The following PIK3R6 variants were observed in gnomAD, a reference collection of about 807,000 sequenced individuals.
The protein encoded by PIK3R6 is phosphoinositide-3-kinase regulatory subunit 6, also known as phosphoinositide 3-kinase regulatory subunit 6.
A neutral mutation model predicts 84.9 loss-of-function variants in PIK3R6; 91 were observed. The ratio of observed to expected loss-of-function variants is 1.07; its 90% CI spans 0.90 to 1.28. The LOEUF is 1.28. Among genes scored for constraint, PIK3R6 ranks in the 50% most tolerant of loss-of-function variants. The probability of loss-of-function intolerance (pLI) is 0.00; values close to 1 mark genes in which losing one functional copy is unlikely to be tolerated. For missense variants in PIK3R6, 996 were observed against 985.1 expected, an observed-to-expected ratio of 1.01 and a Z score of -0.15; for synonymous variants, 416 against 411.4, an observed-to-expected ratio of 1.01 and a Z score of -0.13.
chr17:8,819,955 ATT>A (rs71361825), intron 17 of PIK3R6, among the ~76,000 whole-genome samples: 1,644 of 135,710 alleles, frequency 0.012, 46 homozygotes, highest in African/African-American at 0.046. Context: ...ATATATATAT[ATT>A]TTTTTTTTGA....
intron 18 of PIK3R6, among the ~76,000 whole-genome samples, chr17:8,817,785 A>G (rs2087590052): frequency 6.6e-6 from 1 of 152,240 alleles, no homozygotes; most frequent in Admixed American, 6.5e-5. Flanking sequence ...GGTCGTGGGT[A>G]GAAGAGTTAT....
chr17:8,807,547 G>A (rs1391624239), intron 18 of PIK3R6, among the ~76,000 whole-genome samples: 1 of 152,172 alleles, frequency 6.6e-6, no homozygotes, highest in Non-Finnish European at 1.5e-5. Flanking sequence ...CCTCCTGAGG[G>A]AGATGACACC....
intron 18 of PIK3R6, 106 bp downstream of exon 18, chr17:8,818,977 G>A: frequency 1.3e-6 from 1 of 767,478 alleles, no homozygotes. Context: ...GCTCAGAAAG[G>A]CTGGGAAGTC....
chr17:8,860,019 T>A (rs545193249), intron 1 of PIK3R6, among the ~76,000 whole-genome samples: 1 of 152,212 alleles, frequency 6.6e-6, no homozygotes, highest in East Asian at 1.9e-4. Flanking sequence ...CGCAGACTCA[T>A]GTAAGAGACT....
intron 5 of PIK3R6, 47 bp from the exon 6 acceptor site, chr17:8,836,970 A>G (rs116483524): frequency 5.3e-5 from 54 of 1,020,886 alleles, no homozygotes; most frequent in African/African-American, 2.2e-4. Context: ...AGGTGGAGGT[A>G]AGAGGGAGGA....
rs562251736 is a variant in PIK3R6 at position 8,828,901 on chromosome 17, C to A, written c.979G>T (p.Asp327Tyr). 2.8e-5 allele frequency: 43 copies of A among 1,560,056 alleles called. No homozygotes were observed. In the South Asian group the frequency reaches 4.9e-4, roughly 18 times the overall value. Residue 327 changes from aspartate (D) to tyrosine (Y), a missense_variant, in exon 11 of 20, where the codon GAC becomes TAC. By Grantham distance (160) the Asp-to-Tyr change is radical (BLOSUM62 -3). Transcript: ENST00000619866. ...EVLDLQGLRP[D>Y]RELARVSVLS... ...ACAGAAACCCGGGCCAACTCCCGGT[C>A]CGGCCGGAGGCCCTGCAGATCCAAG...
intron 17 of PIK3R6, among the ~76,000 whole-genome samples, chr17:8,820,938 A>C (rs1470337888): frequency 6.6e-6 from 1 of 152,220 alleles, no homozygotes; most frequent in African/African-American, 2.4e-5. Flanking sequence ...TTTCTTCTGG[A>C]ATATTCCAAA....
At chr17:8,829,321 C>A (rs527345874) in intron 10 of PIK3R6, among the ~76,000 whole-genome samples, 1 of 145,138 alleles carries the variant, frequency 6.9e-6, no homozygotes, top group African/African-American at 2.6e-5. Context: ...CACGCATGCA[C>A]GCATACACCC....
rs554731525 is a variant in PIK3R6 at position 8,830,564 on chromosome 17, A to T, written c.803-772T>A. Reference sequence around the variant, plus strand: ...GAGCACCTACTGCCTGCCAGGCCTTATTCTACTCACCTGGCACACACTGTA... The same window carrying T: ...GAGCACCTACTGCCTGCCAGGCCTTTTTCTACTCACCTGGCACACACTGTA... On this transcript the variant is annotated intron_variant, in intron 9 of 19. Coordinates refer to ENST00000619866, the MANE Select transcript of PIK3R6 (RefSeq NM_001010855.4). Among the ~76,000 whole-genome samples, 119 of 152,294 alleles carry T rather than the reference A, an allele frequency of 7.8e-4. 1 individual carries two copies. The highest frequency in any genetic ancestry group is 2.6e-3 in the African/African-American group (109 of 41,562).
intron 9 of PIK3R6, 136 bp downstream of exon 9, chr17:8,832,753 C>A: frequency 7.4e-7 from 1 of 1,356,650 alleles, no homozygotes; most frequent in South Asian, 1.3e-5. Flanking sequence ...AGGCTGCCCC[C>A]AGTCCCCAGG....
At chr17:8,835,236 G>A (rs2072089) in intron 8 of PIK3R6, 37 bp downstream of exon 8, 335,482 of 1,468,860 alleles carry the variant, frequency 0.23, 39,621 homozygotes, top group Non-Finnish European at 0.24. Context: ...AGGGACGAGG[G>A]CTGGGACTGA....
rs138860301 is a variant in PIK3R6 at position 8,806,065 on chromosome 17, T to G, written c.1996-1912A>C. Among the ~76,000 whole-genome samples, 24 of 152,260 alleles carry G rather than the reference T, an allele frequency of 1.6e-4. No individual in the cohort carries two copies. The South Asian group carries it at 1.9e-3, about 12-fold the overall frequency. On this transcript the variant is annotated intron_variant, in intron 18 of 19. Transcript: ENST00000619866. ...CAGCTAATGGAATGATTGTTGATAC[T>G]GGAATGTCACTTGTGACCCTCCAAA...
intron 10 of PIK3R6, 45 bp downstream of exon 10, chr17:8,829,661 C>T (rs2088162212): frequency 6.6e-7 from 1 of 1,522,088 alleles, no homozygotes; most frequent in Admixed American, 2.0e-5. Flanking sequence ...CACACACAGA[C>T]ACAGACATAT....
At chr17:8,834,574 G>A (rs1398500515) in intron 8 of PIK3R6, among the ~76,000 whole-genome samples, 1 of 148,636 alleles carries the variant, frequency 6.7e-6, no homozygotes, top group Admixed American at 6.7e-5. Context: ...ATTACTTTTT[G>A]TAGAAATGGG....
Position 8,842,307 on chromosome 17 carries a change from A to G in PIK3R6, c.14-2610T>C, listed in dbSNP as rs973138705. On this transcript the variant is annotated intron_variant, in intron 2 of 19. Coordinates refer to ENST00000619866, the MANE Select transcript of PIK3R6 (RefSeq NM_001010855.4). This position sits in a 1 kb window ranked among gnomAD's most constrained non-coding sequence, Gnocchi z 4.5. ...GAGCCACGCCTCCCAGCCAAAATAC[A>G]CGGTATGGTAGTGGTTCTAAAGCAG... Among the ~76,000 whole-genome samples, 1 of 152,210 alleles carries G rather than the reference A, an allele frequency of 6.6e-6. No individual in the cohort carries two copies. Among genetic ancestry groups the G allele is most frequent in the Non-Finnish European group, 1.5e-5 (1 of 67,994 alleles).
chr17:8,829,034 A>C (rs566348143), intron 10 of PIK3R6, 44 bp from the exon 11 acceptor site: 1 of 1,476,430 alleles, frequency 6.8e-7, no homozygotes, highest in African/African-American at 1.4e-5. Flanking sequence ...TGAGGCTGGC[A>C]GGGCTACGTT....
chr17:8,832,693 C>G (rs1279363665), intron 9 of PIK3R6, among the ~76,000 whole-genome samples, 196 bp downstream of exon 9: 1 of 152,152 alleles, frequency 6.6e-6, no homozygotes, highest in East Asian at 1.9e-4. Context: ...CGTGAGCCAC[C>G]GCTCCCAGCC....
At chr17:8,848,846 G>C (rs2088872635) in intron 2 of PIK3R6, among the ~76,000 whole-genome samples, 1 of 152,140 alleles carries the variant, frequency 6.6e-6, no homozygotes, top group Non-Finnish European at 1.5e-5. Flanking sequence ...ATGGATGGTT[G>C]GATGGATGGA....
chr17:8,863,543 G>A (rs1052295996), intron 1 of PIK3R6, among the ~76,000 whole-genome samples: 1 of 150,332 alleles, frequency 6.7e-6, no homozygotes, highest in South Asian at 2.1e-4. Flanking sequence ...GTGTGTGTGT[G>A]TTTTTTTTTG....
Sources: gnomAD v4.1 joint callset for allele counts (sites outside exome capture counted in the v4.1 genomes callset) on GRCh38, gnomAD v4.1.1 for gene constraint, Gnocchi (gnomAD v3.1) non-coding constraint, MANE v1.5 for transcripts, NCBI Gene and HGNC (gene_info 2026-07-23, HGNC 2026-07-21) for gene names.